The following NTM variants were observed in gnomAD, a reference collection of about 807,000 sequenced individuals.
The protein encoded by NTM is neurotrimin, also known as IgLON family member 2.
Under a neutral mutation model 42.1 loss-of-function variants are expected in NTM, and 13 were observed. The ratio of observed to expected loss-of-function variants is 0.31; its 90% CI spans 0.20 to 0.49. NTM has a LOEUF of 0.49. NTM is among the 20% of genes least tolerant of loss of function. The probability of loss-of-function intolerance (pLI) is 0.99; values close to 1 mark genes in which losing one functional copy is unlikely to be tolerated. For missense variants in NTM, 373 were observed against 452.8 expected (o/e 0.82, Z 1.60); for synonymous variants, 187 against 179.2 (o/e 1.04, Z -0.35).
intron 1 of NTM, among the ~76,000 whole-genome samples, chr11:131,781,465 G>T (rs1342613090): frequency 6.6e-6 from 1 of 151,306 alleles, no homozygotes; most frequent in Non-Finnish European, 1.5e-5. Context: ...GAAAAAAAAA[G>T]AACATGATAA....
At chr11:131,849,857 A>T (rs998594200) in intron 1 of NTM, among the ~76,000 whole-genome samples, 2 of 150,936 alleles carry the variant, frequency 1.3e-5, no homozygotes, top group Non-Finnish European at 3.0e-5. Flanking sequence ...GCATTAGGAG[A>T]TATACCTAAT....
At chr11:132,322,871 A>T (rs2095601510) in intron 7 of NTM, among the ~76,000 whole-genome samples, 1 of 143,864 alleles carries the variant, frequency 7.0e-6, no homozygotes, top group Admixed American at 6.9e-5. Flanking sequence ...CAGGATTAAG[A>T]ATCTCACTCA....
chr11:131,737,406 G>A (rs941611794), intron 1 of NTM, among the ~76,000 whole-genome samples: 8 of 152,226 alleles, frequency 5.3e-5, no homozygotes, highest in Middle Eastern at 3.2e-3. Flanking sequence ...CTGAAGTTCA[G>A]TTAGCACATT....
chr11:132,084,031 A>G (rs2059402082), intron 2 of NTM, among the ~76,000 whole-genome samples: 1 of 152,182 alleles, frequency 6.6e-6, no homozygotes, highest in East Asian at 1.9e-4. Context: ...ACTTCAGTCT[A>G]TTCAGATAAC....
At chr11:131,625,773 A>G (rs572143885) in intron 1 of NTM, among the ~76,000 whole-genome samples, 1 of 152,250 alleles carries the variant, frequency 6.6e-6, no homozygotes, top group African/African-American at 2.4e-5. Context: ...GCCTCCCTAG[A>G]TAAGTGTGCC....
At position 131,664,926 on chromosome 11, in the gene NTM, G is replaced by A. The variant is rs574855283; in HGVS notation, c.83-246638G>A. ...CTAGGATCACTTGGCACATCCTCGT[G>A]TGTGGCTGACTTTGAACTCCTGGAG... On this transcript the variant is annotated intron_variant, in intron 1 of 8. Coordinates refer to ENST00000683400, the MANE Select transcript of NTM (RefSeq NM_001352005.2). Among the ~76,000 whole-genome samples the A allele has an allele frequency of 5.9e-5, 9 of 152,218 alleles. No homozygotes were observed. The South Asian group carries it at 6.2e-4, about 11-fold the overall frequency.
chr11:131,654,260 C>T (rs921159264), intron 1 of NTM, among the ~76,000 whole-genome samples: 2 of 152,318 alleles, frequency 1.3e-5, no homozygotes, highest in East Asian at 3.9e-4. Flanking sequence ...CTAAGGCTTC[C>T]TTTCCAGGCG....
intron 4 of NTM, among the ~76,000 whole-genome samples, chr11:132,235,667 C>T (rs1434052944): frequency 9.9e-5 from 15 of 152,146 alleles, no homozygotes; most frequent in African/African-American, 3.4e-4. Flanking sequence ...AGAGACCACC[C>T]TGCCATAAGC....
intron 1 of NTM, among the ~76,000 whole-genome samples, chr11:131,417,232 A>G (rs905876975): frequency 6.6e-6 from 1 of 152,194 alleles, no homozygotes; most frequent in African/African-American, 2.4e-5. Context: ...AAACACAAAA[A>G]ATAATTTCCC....
At chr11:131,954,935 C>T (rs948691711) in intron 2 of NTM, among the ~76,000 whole-genome samples, 1 of 151,600 alleles carries the variant, frequency 6.6e-6, no homozygotes, top group African/African-American at 2.4e-5. Context: ...CTAAATGGAC[C>T]ATCATTTAAG....
chr11:131,449,845 C>A (rs185197683), intron 1 of NTM, among the ~76,000 whole-genome samples: 2 of 152,172 alleles, frequency 1.3e-5, no homozygotes, highest in African/African-American at 4.8e-5. Context: ...GCTCCACTGT[C>A]AACCCACTCT....
At chr11:131,563,579 C>CATTTT in intron 1 of NTM, among the ~76,000 whole-genome samples, 1 of 88,784 alleles carries the variant, frequency 1.1e-5, no homozygotes, top group Non-Finnish European at 2.1e-5. Flanking sequence ...GCTCCAGACA[C>CATTTT]TTTTTTTTTT....
intron 2 of NTM, among the ~76,000 whole-genome samples, chr11:132,122,897 TCA>T (rs1174770989): frequency 6.6e-6 from 1 of 151,884 alleles, no homozygotes; most frequent in Admixed American, 6.6e-5. Flanking sequence ...TCACACACAC[TCA>T]CACACACAGA....
In NTM at chr11:131,996,682, C is replaced by T. The variant is rs150410117; in HGVS notation, c.167+85034C>T. On this transcript the variant is annotated intron_variant, in intron 2 of 8. Coordinates refer to ENST00000683400, the MANE Select transcript of NTM (RefSeq NM_001352005.2). The stretch of plus-strand genomic sequence containing the variant: ...CTTGGGATTTACAGCTGGGTCTTGT[C>T]GTCTTCATACTTGCTTTACCCGCCA... Among the ~76,000 whole-genome samples, 936 of 151,280 alleles carry T rather than the reference C, an allele frequency of 6.2e-3. 6 individuals carry two copies. The highest frequency in any genetic ancestry group is 9.5e-3 in the Non-Finnish European group (643 of 67,856).
chr11:131,500,556 T>TATATATATATATATAC (rs2046624055), intron 1 of NTM, among the ~76,000 whole-genome samples: 1 of 22,192 alleles, frequency 4.5e-5, no homozygotes, highest in Non-Finnish European at 7.5e-5. Context: ...TATATATATA[T>TATATATATATATATAC]ATATATATAT....
chr11:132,326,401 C>T (rs2095684750), intron 7 of NTM, among the ~76,000 whole-genome samples: 1 of 152,084 alleles, frequency 6.6e-6, no homozygotes, highest in African/African-American at 2.4e-5. Context: ...AACACCATCC[C>T]ATAGCAAAGT....
At chr11:131,910,691 G>C (rs943881527) in intron 1 of NTM, 33 of 294,194 alleles carry the variant, frequency 1.1e-4, no homozygotes, top group African/African-American at 6.6e-4. Flanking sequence ...GCTCCGGTGC[G>C]GGCTGCGCCG....
chr11:132,131,100 G>T (rs1242278187), intron 2 of NTM, among the ~76,000 whole-genome samples: 1 of 152,218 alleles, frequency 6.6e-6, no homozygotes, highest in African/African-American at 2.4e-5. Context: ...AATGTCTGCT[G>T]CATTCTCCGT....
chr11:132,330,029 G>T, intron 7 of NTM, 124 bp from the exon 8 acceptor site: 1 of 1,458,572 alleles, frequency 6.9e-7, no homozygotes, highest in Non-Finnish European at 9.2e-7. Context: ...AGGGACATGG[G>T]CAAGAGGCGC....
Sources: gnomAD v4.1 joint callset for allele counts (sites outside exome capture counted in the v4.1 genomes callset) on GRCh38, gnomAD v4.1.1 for gene constraint, MANE v1.5 for transcripts, NCBI Gene and HGNC (gene_info 2026-07-23, HGNC 2026-07-21) for gene names.